The following LMAN2L variants were observed in gnomAD, a reference collection of about 807,000 sequenced individuals.
LMAN2L encodes the protein lectin, mannose binding 2 like.
In LMAN2L, 30 loss-of-function variants were observed where a neutral mutation model predicts 44.3. That is an observed-to-expected ratio of 0.68 (90% CI 0.51 to 0.92). The LOEUF (loss-of-function observed/expected upper bound fraction) is 0.92. Among genes scored for constraint, LMAN2L ranks in the 40% least tolerant of loss-of-function variants. LMAN2L has a pLI of 0.00. For missense variants in LMAN2L, 429 were observed against 446.1 expected (o/e 0.96, Z 0.35); for synonymous variants, 183 against 171.1 (o/e 1.07, Z -0.54).
intron 4 of LMAN2L, among the ~76,000 whole-genome samples, chr2:96,729,099 G>A (rs1436547829): frequency 1.3e-5 from 2 of 151,738 alleles, no homozygotes; most frequent in African/African-American, 4.8e-5. Flanking sequence ...GTGAACCCGG[G>A]AGGCGGAGCT....
chr2:96,715,064 G>A (rs1020065950), intron 4 of LMAN2L, among the ~76,000 whole-genome samples: 3 of 152,146 alleles, frequency 2.0e-5, no homozygotes, highest in African/African-American at 7.2e-5. Flanking sequence ...TCAGCCTTAT[G>A]AGTAGGTGGG....
At chr2:96,735,060 G>A (rs10194350) in intron 2 of LMAN2L, among the ~76,000 whole-genome samples, 1,729 of 152,340 alleles carry the variant, frequency 0.011, 38 homozygotes, top group African/African-American at 0.04. Flanking sequence ...AGCTAGACCT[G>A]GCCCTCTGCC....
At chr2:96,717,139 A>C (rs558396598) in intron 4 of LMAN2L, among the ~76,000 whole-genome samples, 1 of 152,196 alleles carries the variant, frequency 6.6e-6, no homozygotes, top group African/African-American at 2.4e-5. Context: ...AGGATTAAGG[A>C]GACATCATGA....
Position 96,738,059 on chromosome 2 carries a change from T to C in LMAN2L, c.196A>G (p.Thr66Ala), listed in dbSNP as rs1168917415. The change falls in exon 2 of 8, where the codon ACA becomes GCA. Residue 66 changes from threonine to alanine, a missense_variant. Transcript: ENST00000264963. ...AGATTCCACAGTGAGGAACTGCCTG[T>C]GCCCACACCTACAGGAAGGAAGTAG... ...SLSKPYQGVG[T>A]GSSSLWNLMG... 6.2e-7 allele frequency: 1 copy of C among 1,611,362 alleles called. No individual in the cohort carries two copies. Among genetic ancestry groups the C allele is most frequent in the Non-Finnish European group, 8.5e-7 (1 of 1,177,542 alleles).
rs573984521 is a variant in LMAN2L at position 96,733,928 on chromosome 2, T to C, written c.425-327A>G. The stretch of plus-strand genomic sequence containing the variant: ...CTTTACAAACAATTGGTAAAGACTA[T>C]GCCCCCAAGAGAGAACTGAATTCCC... On this transcript the variant is annotated intron_variant, in intron 3 of 7. Coordinates refer to ENST00000264963, the MANE Select transcript of LMAN2L (RefSeq NM_030805.4). Among the ~76,000 whole-genome samples, 19 of 152,322 alleles carry C rather than the reference T, an allele frequency of 1.2e-4. No individual in the cohort carries two copies. In the South Asian group the frequency reaches 1.7e-3, roughly 13 times the overall value.
At chr2:96,712,389 C>G (rs966112582) in intron 4 of LMAN2L, among the ~76,000 whole-genome samples, 1 of 152,184 alleles carries the variant, frequency 6.6e-6, no homozygotes, top group Non-Finnish European at 1.5e-5. Context: ...TACCTATCTC[C>G]CCAACTGCCA....
chr2:96,739,966 C>T lies in LMAN2L; in HGVS notation c.75G>A (p.Arg25=). 2 of 1,613,984 alleles carry T rather than the reference C, an allele frequency of 1.2e-6. No homozygotes were observed. The highest frequency in any genetic ancestry group is 1.7e-6 in the Non-Finnish European group (2 of 1,180,024). The change falls in exon 1 of 8, where the codon AGG becomes AGA. Residue 25 remains arginine, a synonymous_variant. Transcript: ENST00000264963. The part of the protein sequence containing the change: ...RRCLSARDGS[R]MLLLLLLLGS... ...CCAACAAAAGAAGAAGGAGTAACATCCTGGACCCATCCCGAGCCGACAAAC... is the reference window on the plus strand; with the variant it reads ...CCAACAAAAGAAGAAGGAGTAACATTCTGGACCCATCCCGAGCCGACAAAC...
At chr2:96,708,777 G>A (rs750031997) in intron 6 of LMAN2L, among the ~76,000 whole-genome samples, 3 of 152,086 alleles carry the variant, frequency 2.0e-5, no homozygotes, top group Non-Finnish European at 4.4e-5. Context: ...TTGTACTTGT[G>A]ACTCTTAATC....
intron 5 of LMAN2L, 46 bp downstream of exon 5, chr2:96,711,818 G>A: frequency 1.9e-6 from 3 of 1,612,988 alleles, no homozygotes; most frequent in South Asian, 2.2e-5. Flanking sequence ...GGGAGCAAGA[G>A]CGACACAGCC....
Position 96,739,960 on chromosome 2 carries a change from T to G in LMAN2L, c.81A>C (p.Leu27Phe). 6.2e-7 allele frequency: 1 copy of G among 1,613,182 alleles called. No individual in the cohort carries two copies. Among genetic ancestry groups the G allele is most frequent in the South Asian group, 1.1e-5 (1 of 91,042 alleles). ...CLSARDGSRM[L>F]LLLLLLGSGQ... ...CAGACCCCAACAAAAGAAGAAGGAG[T>G]AACATCCTGGACCCATCCCGAGCCG... The change falls in exon 1 of 8, where the codon TTA becomes TTC. Residue 27 changes from leucine (L) to phenylalanine (F), a missense_variant. By Grantham distance (22) the Leu-to-Phe change is conservative (BLOSUM62 0). Transcript: ENST00000264963.
intron 4 of LMAN2L, among the ~76,000 whole-genome samples, chr2:96,731,419 T>C (rs1249855575): frequency 6.6e-6 from 1 of 152,016 alleles, no homozygotes; most frequent in African/African-American, 2.4e-5. Flanking sequence ...GAGGCCAGGG[T>C]GGAGGAATCA....
intron 4 of LMAN2L, among the ~76,000 whole-genome samples, chr2:96,718,249 C>A (rs771452878): frequency 1.3e-5 from 2 of 152,182 alleles, no homozygotes; most frequent in Non-Finnish European, 2.9e-5. Context: ...AGCCACTGTG[C>A]GTGGCCGGTT....
chr2:96,714,862 G>A (rs1040080272), intron 4 of LMAN2L, among the ~76,000 whole-genome samples: 7 of 152,210 alleles, frequency 4.6e-5, no homozygotes, highest in Non-Finnish European at 1.5e-5. Context: ...ACCTGAAGGA[G>A]CTTGTTAACT....
At chr2:96,717,525 C>G (rs1248519706) in intron 4 of LMAN2L, among the ~76,000 whole-genome samples, 2 of 135,514 alleles carry the variant, frequency 1.5e-5, no homozygotes, top group South Asian at 2.3e-4. Flanking sequence ...AAACCAAACC[C>G]TGTGTCGGAA....
chr2:96,734,381 A>G (rs749264128), intron 3 of LMAN2L, 28 bp downstream of exon 3: 7 of 1,366,554 alleles, frequency 5.1e-6, no homozygotes, highest in African/African-American at 1.4e-5. Context: ...TGTCACACCC[A>G]CACAAGAGTA....
chr2:96,707,298 G>C lies in LMAN2L; in HGVS notation c.1005C>G (p.Leu335=). The change falls in exon 8 of 8, where the codon CTC becomes CTG. Residue 335 remains leucine (L), a synonymous_variant. Transcript: ENST00000264963. ...GGCTCTGTTCCTGCCATTTGTTGTA[G>C]AGTATGATACCAATGACTATGGCAA... The part of the protein sequence containing the change: ...SVFAIVIGII[L]YNKWQEQSRK... 1 of 1,614,102 alleles carries C rather than the reference G, an allele frequency of 6.2e-7. No homozygotes were observed. The highest frequency in any genetic ancestry group is 8.5e-7 in the Non-Finnish European group (1 of 1,179,982).
chr2:96,719,480 GGCT>G (rs1318110269), intron 4 of LMAN2L, among the ~76,000 whole-genome samples: 1 of 152,042 alleles, frequency 6.6e-6, no homozygotes, highest in Non-Finnish European at 1.5e-5. Flanking sequence ...TGAGTGTGGT[GGCT>G]CATGCCTGTA....
At chr2:96,731,167 C>T (rs570342227) in intron 4 of LMAN2L, among the ~76,000 whole-genome samples, 2 of 152,214 alleles carry the variant, frequency 1.3e-5, no homozygotes, top group Non-Finnish European at 2.9e-5. Context: ...GTTCCCCCAT[C>T]AGCATTCTCA....
At chr2:96,727,550 G>A (rs557181496) in intron 4 of LMAN2L, among the ~76,000 whole-genome samples, 23 of 152,310 alleles carry the variant, frequency 1.5e-4, no homozygotes, top group African/African-American at 4.6e-4. Context: ...TAGGAGGATT[G>A]AGCCTATATA....
Sources: allele counts gnomAD v4.1 joint callset (sites outside exome capture counted in the v4.1 genomes callset), GRCh38; gene constraint gnomAD v4.1.1; transcripts MANE v1.5; gene names NCBI Gene and HGNC (gene_info 2026-07-23, HGNC 2026-07-21).